MAPK8IP3: variants seen among roughly 807,000 people sequenced by gnomAD.
MAPK8IP3 encodes C-Jun-amino-terminal kinase-interacting protein 3.
MAPK8IP3 carries 49 observed loss-of-function variants against 157.8 expected under a neutral mutation model. That is an observed-to-expected ratio of 0.31 (90% CI 0.25 to 0.39). The LOEUF (loss-of-function observed/expected upper bound fraction) is 0.39. Among genes scored for constraint, MAPK8IP3 ranks in the 10% least tolerant of loss-of-function variants. MAPK8IP3 has a pLI of 1.00. For synonymous variants in MAPK8IP3, 897 were observed against 777.7 expected, an observed-to-expected ratio of 1.15 and a Z score of -2.55; for missense variants, 1,478 against 1,889.4, an observed-to-expected ratio of 0.78 and a Z score of 4.04.
In MAPK8IP3 at chr16:1,717,952, T is replaced by C. The variant is rs1181122944; in HGVS notation, c.319-6605T>C. Among the ~76,000 whole-genome samples, 12 of 151,936 alleles carry C rather than the reference T, an allele frequency of 7.9e-5. No individual in the cohort carries two copies. The East Asian group carries it at 1.9e-3, about 25-fold the overall frequency. ...CTGCAAGCTCCGCCTCCCAGGTTCC[T>C]GCCATTCTCCTGCCTCAGCCTCCTG... On this transcript the variant is annotated intron_variant, in intron 1 of 31. Coordinates refer to ENST00000610761, the MANE Select transcript of MAPK8IP3 (RefSeq NM_001318852.2).
intron 4 of MAPK8IP3, among the ~76,000 whole-genome samples, chr16:1,733,396 G>A (rs938188696): frequency 2.6e-5 from 4 of 152,196 alleles, no homozygotes; most frequent in Admixed American, 2.0e-4. Flanking sequence ...AGAGCCCCAG[G>A]GCCATGTGAG....
chr16:1,735,547 G>T (rs535731730), intron 4 of MAPK8IP3, among the ~76,000 whole-genome samples: 1 of 136,438 alleles, frequency 7.3e-6, no homozygotes, highest in Non-Finnish European at 1.5e-5. Context: ...GTGAGCGTCC[G>T]TGTGAGAGTG....
intron 4 of MAPK8IP3, among the ~76,000 whole-genome samples, chr16:1,738,534 C>G (rs2040271145): frequency 1.7e-5 from 2 of 120,164 alleles, no homozygotes; most frequent in Admixed American, 9.3e-5. Context: ...ATCTGTGTGA[C>G]TGTCCGTGTG....
At chr16:1,708,767 C>T (rs2037565274) in intron 1 of MAPK8IP3, among the ~76,000 whole-genome samples, 1 of 152,062 alleles carries the variant, frequency 6.6e-6, no homozygotes, top group South Asian at 2.1e-4. Flanking sequence ...GCTTGGCCAG[C>T]ATGGAGGCTA....
chr16:1,737,079 AC>A (rs1274677277), intron 4 of MAPK8IP3, among the ~76,000 whole-genome samples: 1 of 67,588 alleles, frequency 1.5e-5, no homozygotes, highest in Non-Finnish European at 2.8e-5. Context: ...TGAGCGTGTG[AC>A]CGTCCGTGTG....
At chr16:1,754,578 T>C (rs1423002871) in intron 8 of MAPK8IP3, among the ~76,000 whole-genome samples, 1 of 151,934 alleles carries the variant, frequency 6.6e-6, no homozygotes, top group Non-Finnish European at 1.5e-5. Flanking sequence ...TCGAGACCAC[T>C]CTGGCCGACG....
chr16:1,748,179 C>A, intron 6 of MAPK8IP3, 65 bp from the exon 7 acceptor site: 2 of 1,266,858 alleles, frequency 1.6e-6, no homozygotes, highest in Non-Finnish European at 2.3e-6. Context: ...CCGAGGGCAG[C>A]CGTGAGCAGG....
At position 1,735,454 on chromosome 16, in the gene MAPK8IP3, C is replaced by T. The variant is rs573142619; in HGVS notation, c.602+5876C>T. Among the ~76,000 whole-genome samples, 149 of 126,524 alleles carry T rather than the reference C, an allele frequency of 1.2e-3. 1 individual carries two copies. Among genetic ancestry groups the T allele is most frequent in the African/African-American group, 2.9e-3 (82 of 28,740 alleles). 83.0% of individuals were successfully genotyped at this position (126,524 alleles called of 152,430 possible). A position where few individuals can be genotyped will look rare whatever the true frequency, so the allele number is the denominator to read the frequency against. On this transcript the variant is annotated intron_variant, in intron 4 of 31. Transcript: ENST00000610761. ...CCGTGTGAGCATCCGTGTGACCGTC[C>T]GTGTGAGCGTCCGTGTGAGAGTGTG...
At chr16:1,763,082 G>A (rs1682885993) in intron 16 of MAPK8IP3, 76 bp downstream of exon 16, 2 of 1,578,510 alleles carry the variant, frequency 1.3e-6, no homozygotes, top group Non-Finnish European at 1.7e-6. Flanking sequence ...CTCCCCTCCA[G>A]GCCCTGAAGC....
chr16:1,737,792 G>C (rs1405825853), intron 4 of MAPK8IP3, among the ~76,000 whole-genome samples: 2 of 101,262 alleles, frequency 2.0e-5, no homozygotes, highest in African/African-American at 4.2e-5. Context: ...ATCCATGTGA[G>C]CATCCATGTG....
intron 11 of MAPK8IP3, 73 bp from the exon 12 acceptor site, chr16:1,760,307 C>T (rs1217753974): frequency 1.2e-5 from 18 of 1,530,004 alleles, no homozygotes; most frequent in Middle Eastern, 2.4e-4. Context: ...GAAGTGCAGG[C>T]GCCCCTGGCA....
At chr16:1,735,510 C>T (rs1294683909) in intron 4 of MAPK8IP3, among the ~76,000 whole-genome samples, 2 of 124,732 alleles carry the variant, frequency 1.6e-5, no homozygotes, top group Non-Finnish European at 1.6e-5. Context: ...TGTGACCATC[C>T]GTGTGAGCAG....
At position 1,763,151 on chromosome 16, in the gene MAPK8IP3, C is replaced by G. The variant is rs1217261085; in HGVS notation, c.1898+145C>G. 57 of 1,040,352 alleles carry G rather than the reference C, an allele frequency of 5.5e-5. 1 individual carries two copies. The East Asian group carries it at 1.4e-3, about 26-fold the overall frequency. The allele number at this position is 1,040,352 out of a possible 1,614,324, so 64.4% of individuals were successfully genotyped here. ...ACATGCCAGGGGCCGTGACCTCTCC[C>G]TGCACACTGCCTGCCCCTCCCTGCA... On this transcript the variant is annotated intron_variant, in intron 16 of 31. Transcript: ENST00000610761.
chr16:1,768,818 C>A lies in MAPK8IP3; in HGVS notation c.4008C>A (p.Pro1336=), dbSNP rs368054862. The A allele has an allele frequency of 5.8e-5, 94 of 1,612,236 alleles. No homozygotes were observed. In the Middle Eastern group the frequency reaches 8.3e-4, roughly 14 times the overall value. ...TCGTGTGGCAGGTGTCCTACACCCC[C>A]GAGTGAAGCTGCTGCCCTGCCTGGC... The part of the protein sequence containing the change: ...HIIVWQVSYT[P]E Residue 1336 remains proline, a synonymous_variant, in exon 32 of 32, where the codon CCC becomes CCA. Coordinates refer to ENST00000610761, the MANE Select transcript of MAPK8IP3 (RefSeq NM_001318852.2).
chr16:1,724,538 C>A lies in MAPK8IP3; in HGVS notation c.319-19C>A, dbSNP rs1259065553. 6.2e-7 allele frequency: 1 copy of A among 1,611,928 alleles called. No individual in the cohort carries two copies. The highest frequency in any genetic ancestry group is 1.7e-5 in the Admixed American group (1 of 60,012). ...CACTCACTCCTGATGACTGCTCTTT[C>A]CCTCCCTTCCATGCACAGAAATTCA... On this transcript the variant is annotated intron_variant, in intron 1 of 31. Coordinates refer to ENST00000610761, the MANE Select transcript of MAPK8IP3 (RefSeq NM_001318852.2). The surrounding 1 kb of genome is among the most constrained non-coding windows in gnomAD (Gnocchi z 4.1).
intron 1 of MAPK8IP3, among the ~76,000 whole-genome samples, chr16:1,711,618 C>T (rs904139324): frequency 1.3e-5 from 2 of 152,140 alleles, no homozygotes; most frequent in Admixed American, 1.3e-4. Context: ...GCCGGCTCTC[C>T]GGACTTGTTT....
At chr16:1,754,172 T>C (rs1181633978) in intron 8 of MAPK8IP3, among the ~76,000 whole-genome samples, 1 of 143,778 alleles carries the variant, frequency 7.0e-6, no homozygotes, top group Admixed American at 6.9e-5. Context: ...AAACTCTGTC[T>C]CAAAAAAAAA....
chr16:1,766,987 A>C lies in MAPK8IP3; in HGVS notation c.3088+16A>C. ...CGTGGTGAAGGTGGGGCCTGGCAGC[A>C]CGGGGTGTGTGGGTGGCAGCTGATG... On this transcript the variant is annotated intron_variant, in intron 25 of 31. Coordinates refer to ENST00000610761, the MANE Select transcript of MAPK8IP3 (RefSeq NM_001318852.2). 1 of 1,578,160 alleles carries C rather than the reference A, an allele frequency of 6.3e-7. No homozygotes were observed. The highest frequency in any genetic ancestry group is 8.6e-7 in the Non-Finnish European group (1 of 1,159,872).
chr16:1,709,495 G>A (rs1430186358), intron 1 of MAPK8IP3, among the ~76,000 whole-genome samples: 4 of 152,276 alleles, frequency 2.6e-5, no homozygotes, highest in Non-Finnish European at 5.9e-5. Flanking sequence ...AGCAGAGTCA[G>A]GGCAGAACCC....
Sources: allele counts gnomAD v4.1 joint callset (sites outside exome capture counted in the v4.1 genomes callset), GRCh38; gene constraint gnomAD v4.1.1; non-coding constraint Gnocchi (gnomAD v3.1); transcripts MANE v1.5; gene names NCBI Gene and HGNC (gene_info 2026-07-23, HGNC 2026-07-21).